DOCK4: variants seen among roughly 807,000 people sequenced by gnomAD.
The protein encoded by DOCK4 is dedicator of cytokinesis protein 4.
Under a neutral mutation model 268.1 loss-of-function variants are expected in DOCK4, and 97 were observed. The observed-to-expected ratio is 0.36, with a 90% CI of 0.31 to 0.43. DOCK4 has a LOEUF of 0.43. Ranked by LOEUF, DOCK4 falls within the 20% of genes least tolerant of loss-of-function variation. DOCK4 has a pLI of 1.00. For missense variants in DOCK4, 2,145 were observed against 2,455.7 expected (o/e 0.87, Z 2.67); for synonymous variants, 954 against 887.2 (o/e 1.08, Z -1.34).
intron 52 of DOCK4, among the ~76,000 whole-genome samples, chr7:111,731,055 G>A (rs1795050620): frequency 6.6e-6 from 1 of 152,220 alleles, no homozygotes; most frequent in African/African-American, 2.4e-5. Flanking sequence ...GAAAAGCCAT[G>A]TTGCTTTCCT....
Position 112,159,405 on chromosome 7 carries a change from T to C in DOCK4, c.37+46697A>G, listed in dbSNP as rs77380838. 1.8e-3 allele frequency among the ~76,000 whole-genome samples: 274 copies of C among 152,222 alleles called. 1 individual carries two copies. In the East Asian group the frequency reaches 0.019, roughly 11 times the overall value. The stretch of plus-strand genomic sequence containing the variant: ...ACCTTTATCACCACCACTCCCATTC[T>C]CAAATGCATTCATAGCCCAACCTGG... On this transcript the variant is annotated intron_variant, in intron 1 of 52. Transcript: ENST00000428084.
intron 27 of DOCK4, among the ~76,000 whole-genome samples, chr7:111,815,835 T>C (rs931375778): frequency 1.4e-4 from 21 of 151,362 alleles, no homozygotes; most frequent in Admixed American, 2.0e-4. Context: ...CTGCGCCAGC[T>C]AATTTTTGTA....
chr7:112,193,408 C>A (rs1820145535), intron 1 of DOCK4, among the ~76,000 whole-genome samples: 1 of 151,912 alleles, frequency 6.6e-6, no homozygotes, highest in African/African-American at 2.4e-5. Flanking sequence ...CCAGCCTGAG[C>A]AAAATAGTGA....
At chr7:111,767,177 C>T (rs971676398) in intron 37 of DOCK4, 59 bp from the exon 38 acceptor site, 1 of 1,431,362 alleles carries the variant, frequency 7.0e-7, no homozygotes. Flanking sequence ...TACTTCTACC[C>T]AAAAGTCAGA....
rs1791045040 is a variant in DOCK4 at position 111,900,474 on chromosome 7, G to A, written c.1380C>T (p.Tyr460=). The A allele has an allele frequency of 6.2e-7, 1 of 1,612,986 alleles. No homozygotes were observed. Among genetic ancestry groups the A allele is most frequent in the Non-Finnish European group, 8.5e-7 (1 of 1,179,604 alleles). The change falls in exon 15 of 53, where the codon TAC becomes TAT. Residue 460 remains tyrosine, a synonymous_variant. Transcript: ENST00000428084. ...CAGACCACCTGGGACTGTTGTTATGGTAAAGCACAAAGGAGTGGTACTCAC... is the reference window on the plus strand; with the variant it reads ...CAGACCACCTGGGACTGTTGTTATGATAAAGCACAAAGGAGTGGTACTCAC... The part of the protein sequence containing the change: ...PASEYHSFVL[Y]HNNSPRWSEL...
chr7:111,739,179 C>G lies in DOCK4; in HGVS notation c.5187G>C (p.Glu1729Asp), dbSNP rs370179180. 40 of 1,614,016 alleles carry G rather than the reference C, an allele frequency of 2.5e-5. No individual in the cohort carries two copies. In the African/African-American group the frequency reaches 5.3e-4, roughly 22 times the overall value. Residue 1729 changes from glutamate to aspartate, a missense_variant, in exon 49 of 53, where the codon GAG becomes GAC. Transcript: ENST00000428084. ...SRENSCLSPR[E>D]RPCSAIYPTP... Reference sequence around the variant, plus strand: ...TTGGATAGATGGCACTGCATGGTCTCTCTCTTGGTGACAGGCAAGAGTTTT... The same window carrying G: ...TTGGATAGATGGCACTGCATGGTCTGTCTCTTGGTGACAGGCAAGAGTTTT...
intron 23 of DOCK4, among the ~76,000 whole-genome samples, chr7:111,851,568 T>C (rs1804558750): frequency 6.6e-6 from 1 of 151,888 alleles, no homozygotes; most frequent in Non-Finnish European, 1.5e-5. Context: ...AAGTGATAAA[T>C]TACATTTGAT....
intron 10 of DOCK4, 69 bp from the exon 11 acceptor site, chr7:111,940,311 A>C: frequency 6.3e-7 from 1 of 1,599,598 alleles, no homozygotes; most frequent in Admixed American, 1.7e-5. Context: ...GTAGCGAAAC[A>C]TACAGCTATA....
chr7:112,092,744 G>A (rs1420064281), intron 1 of DOCK4, among the ~76,000 whole-genome samples: 1 of 152,148 alleles, frequency 6.6e-6, no homozygotes, highest in East Asian at 1.9e-4. Flanking sequence ...TGCCCGACAG[G>A]CAGCAATAGA....
At chr7:111,980,332 A>T (rs1055868919) in intron 7 of DOCK4, among the ~76,000 whole-genome samples, 13 of 152,180 alleles carry the variant, frequency 8.5e-5, no homozygotes, top group Non-Finnish European at 1.8e-4. Flanking sequence ...CTGCTAAAAA[A>T]TTTCTGTGAA....
chr7:112,202,423 A>C (rs1270083419), intron 1 of DOCK4, among the ~76,000 whole-genome samples: 1 of 152,248 alleles, frequency 6.6e-6, no homozygotes, highest in East Asian at 1.9e-4. Context: ...AGATACAATA[A>C]ATAACAATGC....
chr7:111,775,023 A>C (rs1228673902), intron 36 of DOCK4, among the ~76,000 whole-genome samples: 2 of 152,262 alleles, frequency 1.3e-5, no homozygotes, highest in African/African-American at 2.4e-5. Context: ...GTTCAGAGGC[A>C]GACAGGTGAG....
intron 15 of DOCK4, among the ~76,000 whole-genome samples, chr7:111,898,740 CCTT>C (rs1221792105): frequency 1.3e-5 from 2 of 152,082 alleles, no homozygotes; most frequent in African/African-American, 4.8e-5. Context: ...AAGATTTTTT[CCTT>C]CTTCTTTACA....
At chr7:111,740,971 G>T (rs931124001) in intron 47 of DOCK4, 123 bp downstream of exon 47, 27 of 1,182,740 alleles carry the variant, frequency 2.3e-5, no homozygotes, top group Non-Finnish European at 3.1e-5. Context: ...GTGTTTAAAG[G>T]TTTGTCCTTA....
chr7:112,080,283 A>C (rs1586781531), intron 1 of DOCK4, among the ~76,000 whole-genome samples: 1 of 152,162 alleles, frequency 6.6e-6, no homozygotes, highest in African/African-American at 2.4e-5. Context: ...ACCTACTTAT[A>C]CTAAAAATCT....
chr7:111,817,656 T>C (rs937748039), intron 27 of DOCK4, among the ~76,000 whole-genome samples: 2 of 152,214 alleles, frequency 1.3e-5, no homozygotes, highest in African/African-American at 2.4e-5. Context: ...CTATCCCTGC[T>C]TGCCCAAGGA....
Position 111,911,492 on chromosome 7 carries a change from A to C in DOCK4, c.1192+4287T>G, listed in dbSNP as rs999649668. On this transcript the variant is annotated intron_variant, in intron 13 of 52. Coordinates refer to ENST00000428084, the MANE Select transcript of DOCK4 (RefSeq NM_001363540.2). ...AGGAAGAAAGGGAAAAAAAAAAGAG[A>C]AGGAAGTGCTTTTAAAAAAACCTCT... Among the ~76,000 whole-genome samples the C allele has an allele frequency of 1.1e-4, 16 of 152,118 alleles. 1 individual carries two copies. Among genetic ancestry groups the C allele is most frequent in the Admixed American group, 9.8e-4 (15 of 15,278 alleles).
chr7:111,769,092 T>C (rs1378642101), intron 37 of DOCK4, among the ~76,000 whole-genome samples: 1 of 152,206 alleles, frequency 6.6e-6, no homozygotes, highest in African/African-American at 2.4e-5. Context: ...GATCTTGAAC[T>C]TCTCAGCCTT....
At chr7:112,018,418 C>T (rs528700959) in intron 1 of DOCK4, among the ~76,000 whole-genome samples, 201 of 152,242 alleles carry the variant, frequency 1.3e-3, no homozygotes, top group Middle Eastern at 3.4e-3. Context: ...ACATTACCAA[C>T]TCAGCACTTA....
Sources: gnomAD v4.1 joint callset for allele counts (sites outside exome capture counted in the v4.1 genomes callset) on GRCh38, gnomAD v4.1.1 for gene constraint, MANE v1.5 for transcripts, NCBI Gene and HGNC (gene_info 2026-07-23, HGNC 2026-07-21) for gene names.